The following ARB2A variants were observed in gnomAD, a reference collection of about 807,000 sequenced individuals.
The protein encoded by ARB2A is cotranscriptional regulator ARB2A.
the ARB2A span, among the ~76,000 whole-genome samples, chr5:94,089,918 A>G: frequency 6.6e-6 from 1 of 152,194 alleles, no homozygotes; most frequent in Non-Finnish European, 1.5e-5. Flanking sequence ...GACTATTTAC[A>G]CAATCATTAT....
chr5:93,840,475 C>T, the ARB2A span, among the ~76,000 whole-genome samples: 1 of 152,146 alleles, frequency 6.6e-6, no homozygotes, highest in South Asian at 2.1e-4. Flanking sequence ...TCTTTCCCAA[C>T]TTGTTAAGTG....
At chr5:93,793,951 G>T in the ARB2A span, among the ~76,000 whole-genome samples, 1 of 152,128 alleles carries the variant, frequency 6.6e-6, no homozygotes, top group Non-Finnish European at 1.5e-5. Flanking sequence ...CTTTGAGTAT[G>T]GGCACCAAAG....
At chr5:93,814,358 G>A in the ARB2A span, among the ~76,000 whole-genome samples, 11 of 152,118 alleles carry the variant, frequency 7.2e-5, no homozygotes, top group African/African-American at 2.7e-4. Flanking sequence ...GTTGCATCAA[G>A]CAAAAGATAA....
At chr5:93,721,756 G>C in the ARB2A span, among the ~76,000 whole-genome samples, 1 of 152,096 alleles carries the variant, frequency 6.6e-6, no homozygotes, top group Non-Finnish European at 1.5e-5. Flanking sequence ...AAGATGGCCT[G>C]TTCTGGAAAC....
the ARB2A span, among the ~76,000 whole-genome samples, chr5:94,110,195 C>T: frequency 1.3e-5 from 2 of 152,192 alleles, no homozygotes; most frequent in Admixed American, 6.5e-5. Flanking sequence ...TTTCTCTATA[C>T]CTCTTAATCA....
At chr5:93,636,268 A>G in the ARB2A span, among the ~76,000 whole-genome samples, 1 of 152,206 alleles carries the variant, frequency 6.6e-6, no homozygotes, top group Non-Finnish European at 1.5e-5. Flanking sequence ...GAATTGTTCT[A>G]AAGCCCAGAG....
At chr5:93,825,909 A>G in the ARB2A span, among the ~76,000 whole-genome samples, 2 of 151,710 alleles carry the variant, frequency 1.3e-5, no homozygotes, top group South Asian at 2.1e-4. Context: ...TGAATAATAA[A>G]TATTTTCTGT....
chr5:93,741,204 C>G, the ARB2A span: 1 of 1,613,850 alleles, frequency 6.2e-7, no homozygotes, highest in Non-Finnish European at 8.5e-7. Flanking sequence ...TCAGTATGCC[C>G]GAGATGTCCT....
the ARB2A span, among the ~76,000 whole-genome samples, chr5:94,037,995 C>T: frequency 6.6e-6 from 1 of 151,988 alleles, no homozygotes; most frequent in African/African-American, 2.4e-5. Flanking sequence ...AATAAGAAAA[C>T]AAGCTTATAA....
At chr5:93,971,722 C>A in the ARB2A span, among the ~76,000 whole-genome samples, 2 of 151,974 alleles carry the variant, frequency 1.3e-5, no homozygotes, top group Non-Finnish European at 2.9e-5. Flanking sequence ...TTTTGAGAGG[C>A]AGAGGCTTCA....
At chr5:93,925,754 A>T in the ARB2A span, among the ~76,000 whole-genome samples, 557 of 152,308 alleles carry the variant, frequency 3.7e-3, 5 homozygotes, top group Non-Finnish European at 6.6e-3. Flanking sequence ...GAAAAAGCTC[A>T]ACATATCTTA....
At chr5:93,837,047 G>T in the ARB2A span, among the ~76,000 whole-genome samples, 7 of 152,242 alleles carry the variant, frequency 4.6e-5, no homozygotes, top group East Asian at 1.4e-3. Context: ...ACTGTGTGTT[G>T]TGGGGTTTGG....
At chr5:93,949,714 CT>C in the ARB2A span, among the ~76,000 whole-genome samples, 2 of 152,050 alleles carry the variant, frequency 1.3e-5, no homozygotes, top group East Asian at 3.9e-4. Flanking sequence ...AATCACTCTA[CT>C]GTGCTCCAAA....
At chr5:93,900,989 T>C in the ARB2A span, among the ~76,000 whole-genome samples, 3 of 152,252 alleles carry the variant, frequency 2.0e-5, no homozygotes, top group East Asian at 3.9e-4. Context: ...TATTCCAAAC[T>C]TTCTGGCATT....
At chr5:93,833,966 A>G in the ARB2A span, among the ~76,000 whole-genome samples, 2 of 152,138 alleles carry the variant, frequency 1.3e-5, no homozygotes, top group Non-Finnish European at 2.9e-5. Context: ...AACAGTTAGT[A>G]TTTTAACCCT....
chr5:93,697,171 C>T, the ARB2A span, among the ~76,000 whole-genome samples: 2 of 150,352 alleles, frequency 1.3e-5, no homozygotes, highest in African/African-American at 4.9e-5. Flanking sequence ...TTAGTGTTTA[C>T]TTATCTTCCC....
chr5:93,624,912 A>G, the ARB2A span, among the ~76,000 whole-genome samples: 1 of 152,180 alleles, frequency 6.6e-6, no homozygotes, highest in Non-Finnish European at 1.5e-5. Context: ...GCATGATTTT[A>G]ATATATACTG....
At chr5:93,738,047 A>G in the ARB2A span, 1 of 349,080 alleles carries the variant, frequency 2.9e-6, no homozygotes, top group South Asian at 2.2e-5. Flanking sequence ...ACAGAATGGG[A>G]GAAAATACTT....
chr5:93,853,882 G>A, the ARB2A span, among the ~76,000 whole-genome samples: 5 of 152,114 alleles, frequency 3.3e-5, no homozygotes, highest in African/African-American at 9.7e-5. Flanking sequence ...GAGGATTTTT[G>A]CATCAATGTT....
Sources: allele counts gnomAD v4.1 joint callset (sites outside exome capture counted in the v4.1 genomes callset), GRCh38; gene constraint gnomAD v4.1.1; transcripts MANE v1.5; gene names NCBI Gene and HGNC (gene_info 2026-07-23, HGNC 2026-07-21).